The following TRIM37 variants were observed in gnomAD, a reference collection of about 807,000 sequenced individuals.
TRIM37 encodes the protein tripartite motif containing 37.
In TRIM37, 80 loss-of-function variants were observed where a neutral mutation model predicts 129.8. The ratio of observed to expected loss-of-function variants is 0.62; its 90% CI spans 0.51 to 0.74. The LOEUF is 0.74. TRIM37 is among the 30% of genes least tolerant of loss of function. The probability of loss-of-function intolerance (pLI) is 0.00; values close to 1 mark genes in which losing one functional copy is unlikely to be tolerated. For missense variants in TRIM37, 1,054 were observed against 1,176.5 expected (o/e 0.90, Z 1.52); for synonymous variants, 389 against 387.1 (o/e 1.00, Z -0.06).
intron 2 of TRIM37, among the ~76,000 whole-genome samples, chr17:59,101,655 C>CAAAAAAAAA (rs763661189): frequency 1.7e-5 from 1 of 58,736 alleles, no homozygotes; most frequent in Non-Finnish European, 3.3e-5. Context: ...CCCATCTCTA[C>CAAAAAAAAA]AAAAAAAAAA....
At chr17:59,008,266 T>C (rs1159309488) in intron 22 of TRIM37, among the ~76,000 whole-genome samples, 1 of 152,220 alleles carries the variant, frequency 6.6e-6, no homozygotes, top group Non-Finnish European at 1.5e-5. Context: ...CCCTGTTGAT[T>C]TGCACATTCA....
chr17:59,070,245 G>C (rs1312504889), intron 9 of TRIM37, among the ~76,000 whole-genome samples: 1 of 152,118 alleles, frequency 6.6e-6, no homozygotes, highest in African/African-American at 2.4e-5. Context: ...ATGAAAACTA[G>C]GATACTTTTT....
chr17:59,086,021 G>A (rs1190797580), intron 4 of TRIM37, among the ~76,000 whole-genome samples: 1 of 152,120 alleles, frequency 6.6e-6, no homozygotes, highest in Non-Finnish European at 1.5e-5. Context: ...GTGGCTGCCA[G>A]GGGCTGGTGC....
downstream of TRIM37, among the ~76,000 whole-genome samples, chr17:58,995,574 T>G (rs1439718637): frequency 1.3e-5 from 2 of 152,054 alleles, no homozygotes; most frequent in African/African-American, 2.4e-5. Flanking sequence ...GTAGCTGATA[T>G]AAATAAGTAG....
intron 24 of TRIM37, among the ~76,000 whole-genome samples, chr17:58,985,996 T>C (rs2031770688): frequency 6.6e-6 from 1 of 152,172 alleles, no homozygotes; most frequent in South Asian, 2.1e-4. Context: ...AATATAGTAT[T>C]ACTTAGATCA....
chr17:58,982,652 G>A, exon 25 of TRIM37: 1 of 472,054 alleles, frequency 2.1e-6, no homozygotes, highest in Non-Finnish European at 3.8e-6. Flanking sequence ...GCAATGATCA[G>A]ATTGTTAATC....
At chr17:59,095,570 T>A (rs2044774358) in intron 2 of TRIM37, among the ~76,000 whole-genome samples, 1 of 152,180 alleles carries the variant, frequency 6.6e-6, no homozygotes, top group Non-Finnish European at 1.5e-5. Flanking sequence ...GGACTTTTAT[T>A]CCCAAACAGC....
intron 8 of TRIM37, among the ~76,000 whole-genome samples, chr17:59,074,629 A>T (rs1034627377): frequency 1.3e-5 from 2 of 152,198 alleles, no homozygotes; most frequent in African/African-American, 4.8e-5. Context: ...GTAAACCAAG[A>T]AAGTGGAAAC....
At chr17:58,982,153 G>A (rs1010417933), downstream of TRIM37, 1 of 152,642 alleles carries the variant, frequency 6.6e-6, no homozygotes, top group Non-Finnish European at 1.5e-5. Context: ...CTGTTTAGTT[G>A]TAATTGGAAG....
intron 24 of TRIM37, chr17:58,985,220 T>C (rs1447034301): frequency 1.3e-5 from 2 of 152,644 alleles, no homozygotes; most frequent in Non-Finnish European, 2.9e-5. Context: ...GGTAAGTTAT[T>C]TACTGTTTAA....
rs1293124723 is a variant in TRIM37, at chr17:59,036,481, T to C, written c.1754-4391A>G. 1.7e-4 allele frequency among the ~76,000 whole-genome samples: 25 copies of C among 149,864 alleles called. 1 individual carries two copies. In the South Asian group the frequency reaches 3.4e-3, roughly 20 times the overall value. ...GTGTGTGTGTGTGTGTGTGTGTGTG[T>C]GTGCACGCGTGTGTTTTAAGAGACA... On this transcript the variant is annotated intron_variant, in intron 17 of 23. Coordinates refer to ENST00000262294, the MANE Select transcript of TRIM37 (RefSeq NM_015294.6).
intron 17 of TRIM37, among the ~76,000 whole-genome samples, chr17:59,039,895 A>T (rs1197120857): frequency 6.6e-6 from 1 of 152,106 alleles, no homozygotes; most frequent in African/African-American, 2.4e-5. Flanking sequence ...ATTATTTTTC[A>T]TTATTTTTAT....
chr17:59,060,051 C>T (rs531518361), intron 12 of TRIM37, among the ~76,000 whole-genome samples: 2 of 152,304 alleles, frequency 1.3e-5, no homozygotes, highest in Non-Finnish European at 2.9e-5. Context: ...GAACCCATTA[C>T]GGATCTCTAG....
Position 59,049,145 on chromosome 17 carries a change from A to G in TRIM37, c.1530+33T>C, listed in dbSNP as rs766503457. On this transcript the variant is annotated intron_variant, in intron 15 of 23. Coordinates refer to ENST00000262294, the MANE Select transcript of TRIM37 (RefSeq NM_015294.6). ...TGATGCTACTGTTTTTTTTTAATCA[A>G]ACACAAAAATCTAAAACTGGCCTCA... 7.6e-6 allele frequency: 12 copies of G among 1,579,916 alleles called. No homozygotes were observed. The South Asian group carries it at 1.2e-4, about 16-fold the overall frequency.
At chr17:59,082,588 TAC>T (rs1401790941) in intron 5 of TRIM37, among the ~76,000 whole-genome samples, 2 of 152,206 alleles carry the variant, frequency 1.3e-5, no homozygotes, top group African/African-American at 2.4e-5. Context: ...ACAGAGTTAC[TAC>T]AGAGACAGAA....
chr17:58,990,292 ACCAG>A (rs1444405098), intron 24 of TRIM37, among the ~76,000 whole-genome samples: 1 of 151,200 alleles, frequency 6.6e-6, no homozygotes, highest in African/African-American at 2.4e-5. Context: ...GGAGCTTGAA[ACCAG>A]CCTGGAAAAC....
intron 22 of TRIM37, among the ~76,000 whole-genome samples, chr17:59,007,158 AACACACACACACAC>A (rs540872393): frequency 0.01 from 86 of 8,350 alleles, 1 homozygote; most frequent in African/African-American, 0.035. Flanking sequence ...CCCACCCTCC[AACACACACACACAC>A]ACACACACAC....
At chr17:59,090,680 C>T (rs1003561342) in intron 3 of TRIM37, among the ~76,000 whole-genome samples, 1 of 152,030 alleles carries the variant, frequency 6.6e-6, no homozygotes, top group Non-Finnish European at 1.5e-5. Flanking sequence ...GGCTCAAGTG[C>T]AGCAGTACGA....
chr17:58,980,817 C>T, downstream of TRIM37: 1 of 1,614,120 alleles, frequency 6.2e-7, no homozygotes, highest in African/African-American at 1.3e-5. The surrounding 1 kb of genome is among the most constrained non-coding windows in gnomAD (Gnocchi z 4.7). Context: ...AGGTTTAATC[C>T]AAAGTTTTAT....
Sources: gnomAD v4.1 joint callset for allele counts (sites outside exome capture counted in the v4.1 genomes callset) on GRCh38, gnomAD v4.1.1 for gene constraint, Gnocchi (gnomAD v3.1) non-coding constraint, MANE v1.5 for transcripts, NCBI Gene and HGNC (gene_info 2026-07-23, HGNC 2026-07-21) for gene names.